The following DYRK1A variants were observed in gnomAD, a reference collection of about 807,000 sequenced individuals.
DYRK1A encodes the protein dual specificity tyrosine-phosphorylation-regulated kinase 1A.
DYRK1A carries 9 observed loss-of-function variants against 79.7 expected under a neutral mutation model. The ratio of observed to expected loss-of-function variants is 0.11; its 90% CI spans 0.07 to 0.20. The LOEUF (loss-of-function observed/expected upper bound fraction) is 0.20, where lower values mean the gene tolerates loss of function less well. DYRK1A is among the 10% of genes least tolerant of loss of function. DYRK1A has a pLI of 1.00. For synonymous variants in DYRK1A, 349 were observed against 329.7 expected (o/e 1.06, Z -0.63); for missense variants, 622 against 956.0 (o/e 0.65, Z 4.61).
At chr21:37,422,353 T>G (rs995956576) in intron 2 of DYRK1A, among the ~76,000 whole-genome samples, 3 of 152,196 alleles carry the variant, frequency 2.0e-5, no homozygotes, top group Admixed American at 6.5e-5. Context: ...AGTTTGGTCT[T>G]GTATTACTAT....
intron 4 of DYRK1A, among the ~76,000 whole-genome samples, chr21:37,480,307 C>T (rs567128153): frequency 1.2e-4 from 19 of 152,152 alleles, no homozygotes; most frequent in African/African-American, 2.7e-4. Flanking sequence ...TAACTTTTGT[C>T]AAAATTCCTC....
chr21:37,417,523 CTTTTTCTTTTTTTT>C (rs2050370519), intron 1 of DYRK1A, among the ~76,000 whole-genome samples: 15 of 47,172 alleles, frequency 3.2e-4, no homozygotes, highest in Admixed American at 8.0e-4. Context: ...TTTTCTTTTT[CTTTTTCTTTTTTTT>C]TTTTTTTTTT....
At chr21:37,458,823 C>G (rs1417681834) in intron 2 of DYRK1A, among the ~76,000 whole-genome samples, 1 of 152,174 alleles carries the variant, frequency 6.6e-6, no homozygotes, top group Admixed American at 6.5e-5. Flanking sequence ...GCATTTTGAG[C>G]AGCTGGAGGC....
intron 1 of DYRK1A, among the ~76,000 whole-genome samples, chr21:37,397,224 A>G (rs1424870278): frequency 6.6e-6 from 1 of 152,210 alleles, no homozygotes; most frequent in African/African-American, 2.4e-5. Flanking sequence ...TTACTATGGA[A>G]GATGATGACT....
intron 2 of DYRK1A, among the ~76,000 whole-genome samples, chr21:37,454,635 T>G (rs1021947510): frequency 6.6e-6 from 1 of 152,192 alleles, no homozygotes; most frequent in African/African-American, 2.4e-5. Flanking sequence ...AATGTACCTA[T>G]TGGGTTAATG....
Position 37,493,179 on chromosome 21 carries a change from C to A in DYRK1A, c.1071+16C>A. On this transcript the variant is annotated intron_variant, in intron 8 of 11. Transcript: ENST00000647188. The stretch of plus-strand genomic sequence containing the variant: ...TGCCAATGAGGTAAATGATGTATTG[C>A]TTTACAAATTCTGTTTTCATAATTT... 6.4e-7 allele frequency: 1 copy of A among 1,568,746 alleles called. No individual in the cohort carries two copies. The highest frequency in any genetic ancestry group is 8.7e-7 in the Non-Finnish European group (1 of 1,148,168).
At chr21:37,488,302 C>T in intron 6 of DYRK1A, 1 of 959,288 alleles carries the variant, frequency 1.0e-6, no homozygotes, top group South Asian at 4.8e-5. Flanking sequence ...AACAAAAGAA[C>T]TTTAGATTAG....
At chr21:37,478,096 C>T in intron 3 of DYRK1A, 112 bp from the exon 4 acceptor site, 1 of 1,440,820 alleles carries the variant, frequency 6.9e-7, no homozygotes, top group East Asian at 2.3e-5. Context: ...GTGTAGCTGT[C>T]TTTAAAAAAG....
intron 2 of DYRK1A, among the ~76,000 whole-genome samples, chr21:37,457,033 C>CTTACTTACTTACTTAG (rs1555971856): frequency 1.7e-5 from 2 of 118,266 alleles, no homozygotes; most frequent in Admixed American, 8.9e-5. Flanking sequence ...TACTTACTTA[C>CTTACTTACTTACTTAG]TTACTTATTT....
chr21:37,454,110 T>TTTTTTTTTTC (rs869222930), intron 2 of DYRK1A, among the ~76,000 whole-genome samples: 1 of 101,674 alleles, frequency 9.8e-6, no homozygotes, highest in Admixed American at 1.1e-4. Flanking sequence ...TTTTTTTTTT[T>TTTTTTTTTTC]GAGACAAGGT....
intron 2 of DYRK1A, among the ~76,000 whole-genome samples, chr21:37,428,531 T>G (rs1306871311): frequency 2.0e-5 from 3 of 152,202 alleles, no homozygotes; most frequent in Non-Finnish European, 4.4e-5. Context: ...ATCACTGCTT[T>G]TAAAAGGAAC....
At chr21:37,385,555 G>T (rs2049743686) in intron 1 of DYRK1A, among the ~76,000 whole-genome samples, 1 of 152,162 alleles carries the variant, frequency 6.6e-6, no homozygotes, top group African/African-American at 2.4e-5. Context: ...GACATGCCAT[G>T]CCATTACCTT....
intron 2 of DYRK1A, among the ~76,000 whole-genome samples, chr21:37,445,433 G>A (rs1250800715): frequency 6.6e-6 from 1 of 152,196 alleles, no homozygotes; most frequent in Non-Finnish European, 1.5e-5. Context: ...TTTCATGTTG[G>A]TGCGGGGGAT....
At chr21:37,409,962 A>G (rs1022653432) in intron 1 of DYRK1A, among the ~76,000 whole-genome samples, 2 of 152,186 alleles carry the variant, frequency 1.3e-5, no homozygotes, top group African/African-American at 2.4e-5. Context: ...AAACTTTTGT[A>G]TATACATTTT....
In DYRK1A at chr21:37,475,069, AG is replaced by A. The variant is rs150866401; in HGVS notation, c.207+2190del. 9.6e-3 allele frequency among the ~76,000 whole-genome samples: 1,465 copies of A among 152,350 alleles called. 22 individuals are homozygous for A. The highest frequency in any genetic ancestry group is 0.034 in the African/African-American group (1,402 of 41,570). On this transcript the variant is annotated intron_variant, in intron 3 of 11. Coordinates refer to ENST00000647188, the MANE Select transcript of DYRK1A (RefSeq NM_001347721.2). ...TACTAAAGAATCTTTTCAGGACAAA[AG>A]TTAATTATTGTTTTAGCTCTTATAA...
intron 2 of DYRK1A, among the ~76,000 whole-genome samples, chr21:37,450,932 A>G (rs1438545369): frequency 1.3e-5 from 2 of 152,180 alleles, no homozygotes; most frequent in African/African-American, 2.4e-5. Context: ...TGGACTGCAT[A>G]TACGACAGTA....
At chr21:37,421,545 C>T (rs138449757) in intron 2 of DYRK1A, among the ~76,000 whole-genome samples, 27 of 152,242 alleles carry the variant, frequency 1.8e-4, no homozygotes, top group African/African-American at 5.1e-4. Context: ...TGTTACGCAT[C>T]TATCATGCAT....
rs748740712 is a variant in DYRK1A, at chr21:37,512,253, A to G, written c.1987A>G (p.Thr663Ala). 2.5e-6 allele frequency: 4 copies of G among 1,614,108 alleles called. No homozygotes were observed. Among genetic ancestry groups the G allele is most frequent in the Middle Eastern group, 1.6e-4 (1 of 6,062 alleles). Residue 663 changes from threonine to alanine, a missense_variant, in exon 12 of 12, where the codon ACT (threonine) becomes GCT (alanine). Thr to Ala is a moderately conservative substitution (Grantham distance 58). This residue lies in a region of DYRK1A where 292 missense variants were observed against 316.7 expected (regional missense o/e 0.92). Transcript: ENST00000647188. ...TTSSSTSSSS[T>A]GNQGNQAYQN... is the part of the protein sequence containing the mutation. ...TTCTTCCTCGACATCTTCCTCCTCT[A>G]CTGGTAACCAAGGCAATCAGGCCTA...
intron 1 of DYRK1A, among the ~76,000 whole-genome samples, chr21:37,405,682 C>G (rs1002843830): frequency 1.3e-5 from 2 of 152,204 alleles, no homozygotes; most frequent in Non-Finnish European, 2.9e-5. Flanking sequence ...CCTCCTTCCC[C>G]AAATCTAAAT....
Sources: allele counts gnomAD v4.1 joint callset (sites outside exome capture counted in the v4.1 genomes callset), GRCh38; gene constraint gnomAD v4.1.1; regional missense constraint gnomAD v4.1.1; transcripts MANE v1.5; gene names NCBI Gene and HGNC (gene_info 2026-07-23, HGNC 2026-07-21).